LRRTM4: variants seen among roughly 807,000 people sequenced by gnomAD.
The protein encoded by LRRTM4 is leucine rich repeat transmembrane neuronal 4, also known as leucine-rich repeat transmembrane neuronal protein 4.
LRRTM4 carries 25 observed loss-of-function variants against 47.6 expected under a neutral mutation model. That is an observed-to-expected ratio of 0.53 (90% CI 0.38 to 0.73). The LOEUF (loss-of-function observed/expected upper bound fraction) is 0.73, where lower values mean the gene tolerates loss of function less well. Ranked by LOEUF, LRRTM4 falls within the 30% of genes least tolerant of loss-of-function variation. The pLI, the probability that LRRTM4 is intolerant of heterozygous loss-of-function variation, is 0.00. For missense variants in LRRTM4, 638 were observed against 713.4 expected (o/e 0.89, Z 1.20); for synonymous variants, 311 against 269.5 (o/e 1.15, Z -1.51).
intron 3 of LRRTM4, among the ~76,000 whole-genome samples, chr2:76,820,103 C>CAGA (rs1671011421): frequency 6.6e-6 from 1 of 151,920 alleles, no homozygotes; most frequent in African/African-American, 2.4e-5. Context: ...TCTAATTCTT[C>CAGA]AACTCCCATT....
intron 3 of LRRTM4, among the ~76,000 whole-genome samples, chr2:76,938,078 TC>T (rs1675018382): frequency 6.6e-6 from 1 of 152,024 alleles, no homozygotes; most frequent in East Asian, 1.9e-4. Context: ...TCTTTTCCTC[TC>T]TTCTTATATT....
chr2:76,789,374 C>A (rs1327024179), intron 3 of LRRTM4, among the ~76,000 whole-genome samples: 2 of 152,178 alleles, frequency 1.3e-5, no homozygotes, highest in Non-Finnish European at 2.9e-5. Flanking sequence ...ACCTCACCAC[C>A]CACCTCTGCT....
chr2:77,405,382 C>T (rs1401139395), intron 3 of LRRTM4, among the ~76,000 whole-genome samples: 1 of 152,098 alleles, frequency 6.6e-6, no homozygotes, highest in Non-Finnish European at 1.5e-5. Context: ...TAGCCCACTG[C>T]TTACCATCCT....
intron 3 of LRRTM4, among the ~76,000 whole-genome samples, chr2:77,486,207 T>G (rs1677904754): frequency 6.6e-6 from 1 of 152,180 alleles, no homozygotes; most frequent in South Asian, 2.1e-4. Flanking sequence ...AATAAAGCAT[T>G]GTCATCAGAA....
intron 3 of LRRTM4, among the ~76,000 whole-genome samples, chr2:77,067,904 A>G (rs1680014647): frequency 6.6e-6 from 1 of 152,170 alleles, no homozygotes; most frequent in East Asian, 1.9e-4. Flanking sequence ...GACCATCAAA[A>G]AAAGGGAAAG....
intron 3 of LRRTM4, among the ~76,000 whole-genome samples, chr2:76,795,555 G>A (rs922432685): frequency 6.6e-6 from 1 of 150,700 alleles, no homozygotes; most frequent in Admixed American, 6.6e-5. Flanking sequence ...ACATGTATAT[G>A]CATATATACA....
At chr2:76,884,072 G>A (rs994300010) in intron 3 of LRRTM4, among the ~76,000 whole-genome samples, 4 of 151,078 alleles carry the variant, frequency 2.6e-5, no homozygotes, top group East Asian at 2.0e-4. Flanking sequence ...CACCCACCTC[G>A]ACCTCCCAAA....
intron 3 of LRRTM4, among the ~76,000 whole-genome samples, chr2:77,056,687 G>A (rs1381368707): frequency 6.6e-6 from 1 of 152,172 alleles, no homozygotes; most frequent in African/African-American, 2.4e-5. Context: ...GTAAGAAATT[G>A]TATGTACCTG....
chr2:76,884,780 G>A (rs571244464), intron 3 of LRRTM4, among the ~76,000 whole-genome samples: 2 of 151,234 alleles, frequency 1.3e-5, no homozygotes, highest in African/African-American at 2.4e-5. Flanking sequence ...ACTTCTTAAC[G>A]TCTGTTGTAA....
intron 3 of LRRTM4, among the ~76,000 whole-genome samples, chr2:77,082,086 A>G (rs1210881919): frequency 1.3e-5 from 2 of 152,092 alleles, no homozygotes; most frequent in Non-Finnish European, 2.9e-5. Context: ...AACTTTTTCT[A>G]TCTTTCAAGA....
intron 3 of LRRTM4, among the ~76,000 whole-genome samples, chr2:77,007,827 A>C (rs761942390): frequency 6.6e-6 from 1 of 151,874 alleles, no homozygotes; most frequent in Non-Finnish European, 1.5e-5. Flanking sequence ...TCCTGGAATC[A>C]GCTGCTGAGT....
intron 3 of LRRTM4, among the ~76,000 whole-genome samples, chr2:77,226,594 TAATC>T (rs1674818371): frequency 6.6e-6 from 1 of 150,730 alleles, no homozygotes; most frequent in African/African-American, 2.4e-5. Flanking sequence ...TTATTGCACT[TAATC>T]ATTTTTAAAG....
intron 3 of LRRTM4, among the ~76,000 whole-genome samples, chr2:77,318,040 T>G (rs1408168031): frequency 7.3e-6 from 1 of 137,122 alleles, no homozygotes; most frequent in African/African-American, 2.9e-5. Flanking sequence ...GGAGTCTCGC[T>G]CTGTCGCCCA....
chr2:77,448,942 T>C (rs918570864), intron 3 of LRRTM4, among the ~76,000 whole-genome samples: 1 of 152,214 alleles, frequency 6.6e-6, no homozygotes, highest in Non-Finnish European at 1.5e-5. Context: ...GCAACTGATA[T>C]TGACATATTT....
intron 3 of LRRTM4, among the ~76,000 whole-genome samples, chr2:76,901,371 G>T (rs964881160): frequency 6.6e-6 from 1 of 152,106 alleles, no homozygotes; most frequent in Non-Finnish European, 1.5e-5. Context: ...TCCCTGAAAA[G>T]TATGTTATCT....
At chr2:76,877,756 T>C (rs371632529) in intron 3 of LRRTM4, among the ~76,000 whole-genome samples, 3 of 152,138 alleles carry the variant, frequency 2.0e-5, no homozygotes, top group South Asian at 4.1e-4. Context: ...GGATCGAGCA[T>C]TGAAGTAGCT....
chr2:77,478,611 T>C (rs930307037), intron 3 of LRRTM4, among the ~76,000 whole-genome samples: 24 of 152,358 alleles, frequency 1.6e-4, no homozygotes, highest in Non-Finnish European at 2.6e-4. Context: ...AATATTCTTT[T>C]GTACACATGC....
intron 3 of LRRTM4, among the ~76,000 whole-genome samples, chr2:77,362,170 A>AAAGAAAGAAAGGAAGGAAGGAAGG (rs1282143102): frequency 1.9e-3 from 251 of 133,404 alleles, no homozygotes; most frequent in African/African-American, 3.5e-3. Flanking sequence ...AGAAAGAAAG[A>AAAGAAAGAAAGGAAGGAAGGAAGG]AAGGAAGGAA....
chr2:76,799,981 T>G (rs551613132), intron 3 of LRRTM4, among the ~76,000 whole-genome samples: 5 of 151,710 alleles, frequency 3.3e-5, no homozygotes, highest in African/African-American at 1.2e-4. Context: ...GAACATTCCA[T>G]GCTCGTGGGT....
Sources: gnomAD v4.1 joint callset for allele counts (sites outside exome capture counted in the v4.1 genomes callset) on GRCh38, gnomAD v4.1.1 for gene constraint, MANE v1.5 for transcripts, NCBI Gene and HGNC (gene_info 2026-07-23, HGNC 2026-07-21) for gene names.